Variants in ATP13A4 observed in about 807,000 individuals in gnomAD.
ATP13A4 encodes the protein probable cation-transporting ATPase 13A4.
In ATP13A4, 114 loss-of-function variants were observed where a neutral mutation model predicts 142.5. The ratio of observed to expected loss-of-function variants is 0.80; its 90% confidence interval spans 0.69 to 0.93. The LOEUF is 0.93. ATP13A4 is among the 40% of genes least tolerant of loss of function. The pLI is 0.00. For missense variants in ATP13A4, 1,392 were observed against 1,454.0 expected (o/e 0.96, Z 0.69); for synonymous variants, 488 against 514.8 (o/e 0.95, Z 0.70).
rs532046116 is a variant in ATP13A4, at chr3:193,448,343, A to G, written c.2028-13T>C. 1 of 1,612,840 alleles carries G rather than the reference A, an allele frequency of 6.2e-7. No homozygotes were observed. Among genetic ancestry groups the G allele is most frequent in the African/African-American group, 1.3e-5 (1 of 75,050 alleles). On this transcript the variant is annotated splice_polypyrimidine_tract_variant and intron_variant, in intron 17 of 29. Coordinates refer to ENST00000342695, the MANE Select transcript of ATP13A4 (RefSeq NM_032279.4). ...TTCTACCGTCTCCCTGAAAATACAT[A>G]TATAGATGTATTGAACAGAAATAAC... is the stretch of plus-strand genomic sequence containing the variant.
intron 28 of ATP13A4, among the ~76,000 whole-genome samples, chr3:193,408,065 T>C (rs12629196): frequency 0.055 from 8,443 of 152,326 alleles, 438 homozygotes; most frequent in East Asian, 0.18. Context: ...ACATGCCTGA[T>C]ATATATGTAT....
intron 2 of ATP13A4, among the ~76,000 whole-genome samples, chr3:193,565,608 A>C (rs1011929465): frequency 6.6e-6 from 1 of 152,136 alleles, no homozygotes; most frequent in Non-Finnish European, 1.5e-5. Flanking sequence ...CATTAGAAGG[A>C]GATTTTGAGA....
At chr3:193,438,398 C>T in intron 23 of ATP13A4, 77 bp downstream of exon 23, 1 of 1,261,566 alleles carries the variant, frequency 7.9e-7, no homozygotes, top group South Asian at 1.2e-5. Context: ...TTTCTCTAGT[C>T]TTTCCCAGGC....
At chr3:193,589,958 C>A (rs1353039503) in intron 1 of ATP13A4, among the ~76,000 whole-genome samples, 9 of 110,888 alleles carry the variant, frequency 8.1e-5, no homozygotes, top group African/African-American at 2.0e-4. Flanking sequence ...TGTTCTTTTG[C>A]CAAAAAAAAA....
Position 193,465,135 on chromosome 3 carries a change from G to T in ATP13A4, c.1273-7C>A, listed in dbSNP as rs372747644. ...CCACCTCCTCTGGAGGTTCCTGGAC[G>T]ACAGTCATTCTTTAATTATTACAGA... On this transcript the variant is annotated splice_polypyrimidine_tract_variant and splice_region_variant and intron_variant, in intron 11 of 29. Coordinates refer to ENST00000342695, the MANE Select transcript of ATP13A4 (RefSeq NM_032279.4). The T allele has an allele frequency of 1.2e-6, 2 of 1,613,314 alleles. No homozygotes were observed. The highest frequency in any genetic ancestry group is 1.1e-5 in the South Asian group (1 of 91,006).
chr3:193,572,564 GC>G (rs1724291121), intron 2 of ATP13A4, among the ~76,000 whole-genome samples: 1 of 152,148 alleles, frequency 6.6e-6, no homozygotes. Context: ...GGACGCCTCT[GC>G]CCCCTAGTGT....
Position 193,416,389 on chromosome 3 carries a change from A to G in ATP13A4, c.2843-1639T>C, listed in dbSNP as rs190949818. Among the ~76,000 whole-genome samples, 10 of 152,354 alleles carry G rather than the reference A, an allele frequency of 6.6e-5. No individual in the cohort carries two copies. In the East Asian group the frequency reaches 1.9e-3, roughly 29 times the overall value. On this transcript the variant is annotated intron_variant, in intron 25 of 29. Coordinates refer to ENST00000342695, the MANE Select transcript of ATP13A4 (RefSeq NM_032279.4). ...ATTAGGTAAAGACTTTAAAACAACT[A>G]TCTTAAATATGCTGAAATAACTAAG... is the stretch of plus-strand genomic sequence containing the variant.
chr3:193,508,682 A>G (rs1213637707), intron 2 of ATP13A4, among the ~76,000 whole-genome samples: 1 of 152,172 alleles, frequency 6.6e-6, no homozygotes, highest in African/African-American at 2.4e-5. Context: ...TGTCTAATGA[A>G]AGACCAGGTT....
rs149104526 is a variant in ATP13A4, at chr3:193,501,587, T to TAA, written c.381+904_381+905dup. Among the ~76,000 whole-genome samples, 923 of 125,996 alleles carry TAA rather than the reference T, an allele frequency of 7.3e-3. 16 individuals are homozygous for TAA. The East Asian group carries it at 0.087, about 12-fold the overall frequency. 82.7% of individuals were successfully genotyped at this position (125,996 alleles called of 152,430 possible). A position where few individuals can be genotyped will look rare whatever the true frequency, so the allele number is the denominator to read the frequency against. ...TGGGCAACAAGAGTGAAACTCCATTTAAAAAAAAAAAAAAAAAGACAACTG... is the reference window on the plus strand; with the variant it reads ...TGGGCAACAAGAGTGAAACTCCATTTAAAAAAAAAAAAAAAAAAAGACAACTG... On this transcript the variant is annotated intron_variant, in intron 3 of 29. Transcript: ENST00000342695.
At chr3:193,426,316 A>G (rs909630117) in intron 25 of ATP13A4, among the ~76,000 whole-genome samples, 3 of 151,862 alleles carry the variant, frequency 2.0e-5, no homozygotes. Context: ...AAAGGCTTCC[A>G]CACTGAAAAC....
At chr3:193,486,988 G>A (rs138578717) in intron 7 of ATP13A4, among the ~76,000 whole-genome samples, 22 of 152,188 alleles carry the variant, frequency 1.4e-4, no homozygotes, top group African/African-American at 4.3e-4. Flanking sequence ...GTAAGCAGTC[G>A]GCCAAGTGGA....
intron 13 of ATP13A4, 139 bp from the exon 14 acceptor site, chr3:193,459,370 A>G (rs2108637749): frequency 9.1e-7 from 1 of 1,094,496 alleles, no homozygotes; most frequent in Non-Finnish European, 1.3e-6. Context: ...ATCCTCCCAC[A>G]TTAATAGTGC....
chr3:193,449,539 T>C (rs1294939184), intron 17 of ATP13A4, among the ~76,000 whole-genome samples: 1 of 152,182 alleles, frequency 6.6e-6, no homozygotes, highest in African/African-American at 2.4e-5. Flanking sequence ...GCACTTCCCA[T>C]TTTCTGAATC....
At chr3:193,471,088 C>T in intron 8 of ATP13A4, 95 bp from the exon 9 acceptor site, 1 of 1,539,782 alleles carries the variant, frequency 6.5e-7, no homozygotes, top group Non-Finnish European at 9.0e-7. Context: ...AAAAAGCAAC[C>T]AAGACATTTT....
At chr3:193,409,082 A>G (rs983460460) in intron 28 of ATP13A4, among the ~76,000 whole-genome samples, 1 of 152,208 alleles carries the variant, frequency 6.6e-6, no homozygotes, top group Non-Finnish European at 1.5e-5. Flanking sequence ...GGAATCTAAG[A>G]TGGGATGGGG....
chr3:193,412,411 C>T (rs1199805764), intron 26 of ATP13A4, 40 bp from the exon 27 acceptor site: 1 of 1,581,880 alleles, frequency 6.3e-7, no homozygotes, highest in Non-Finnish European at 8.7e-7. Flanking sequence ...AGTAAGATTG[C>T]AAGGCTTTAT....
chr3:193,523,833 T>C (rs1422408778), intron 1 of ATP13A4, among the ~76,000 whole-genome samples: 3 of 152,160 alleles, frequency 2.0e-5, no homozygotes, highest in Non-Finnish European at 4.4e-5. Context: ...AGGGGTCTGG[T>C]GCAGGGGCGC....
At chr3:193,548,370 G>A (rs1723343631) in intron 1 of ATP13A4, among the ~76,000 whole-genome samples, 1 of 152,138 alleles carries the variant, frequency 6.6e-6, no homozygotes, top group African/African-American at 2.4e-5. Context: ...CCAAGAAAAT[G>A]TTAATTGAGC....
chr3:193,413,341 A>G (rs1714874760), intron 26 of ATP13A4, among the ~76,000 whole-genome samples: 2 of 152,198 alleles, frequency 1.3e-5, no homozygotes, highest in African/African-American at 2.4e-5. Context: ...CCACTATTGT[A>G]CAAATTGATT....
Sources: gnomAD v4.1 joint callset for allele counts (sites outside exome capture counted in the v4.1 genomes callset) on GRCh38, gnomAD v4.1.1 for gene constraint, MANE v1.5 for transcripts, NCBI Gene and HGNC (gene_info 2026-07-23, HGNC 2026-07-21) for gene names.